Variants in OR51G2 observed in about 807,000 individuals in gnomAD.
OR51G2 encodes the protein olfactory receptor 51G2.
Under a neutral mutation model 11.8 loss-of-function variants are expected in OR51G2, and 13 were observed. The observed-to-expected ratio is 1.10, with a 90% CI of 0.72 to 1.76. The LOEUF (loss-of-function observed/expected upper bound fraction) is 1.76, where lower values mean the gene tolerates loss of function less well. OR51G2 is among the 40% of genes most tolerant of loss of function. The probability of loss-of-function intolerance (pLI) is 0.00; values close to 1 mark genes in which losing one functional copy is unlikely to be tolerated. For missense variants in OR51G2, 474 were observed against 394.4 expected (o/e 1.20, Z -1.71); for synonymous variants, 178 against 151.9 (o/e 1.17, Z -1.26).
Position 4,915,579 on chromosome 11 carries a change from G to T in OR51G2, c.85C>A (p.His29Asn). Residue 29 changes from histidine (H) to asparagine (N), a missense_variant, in exon 2 of 2, where the codon CAC becomes AAC. Transcript: ENST00000641926. Reference protein sequence around the residue: ...LSGIPGLERMHIWISIPLCFM... With the variant: ...LSGIPGLERMNIWISIPLCFM... ...CACAGTGGGATGGAGATCCAGATGTGCATGCGCTCCAGCCCAGGGATGCCA... is the reference window on the plus strand; with the variant it reads ...CACAGTGGGATGGAGATCCAGATGTTCATGCGCTCCAGCCCAGGGATGCCA... 1.9e-6 allele frequency: 3 copies of T among 1,614,102 alleles called. No homozygotes were observed. The highest frequency in any genetic ancestry group is 2.5e-6 in the Non-Finnish European group (3 of 1,180,002).
In OR51G2 at chr11:4,914,027, A is replaced by G. The variant is rs1851033641; in HGVS notation, c.*692T>C. 6.6e-6 allele frequency: 1 copy of G among 152,244 alleles called. No homozygotes were observed. The highest frequency in any genetic ancestry group is 2.1e-4 in the South Asian group (1 of 4,834). The allele number at this position is 152,244 out of a possible 1,614,324, so 9.4% of individuals were successfully genotyped here. ...CTTCCCAAAATTTAGTGTCTTAAAA[A>G]TATTTATTTTGTTTACAAAACTGAA... On this transcript the variant is annotated 3_prime_UTR_variant, in exon 2 of 2. Transcript: ENST00000641926.
At position 4,913,373 on chromosome 11, in the gene OR51G2, C is replaced by T. The variant is rs1201524317; in HGVS notation, c.*1346G>A. Reference sequence around the variant, plus strand: ...CATAGTAGAAGACATTGTGTTCAGCCACACCCTTTCTTAATCTGCACTAAA... The same window carrying T: ...CATAGTAGAAGACATTGTGTTCAGCTACACCCTTTCTTAATCTGCACTAAA... On this transcript the variant is annotated 3_prime_UTR_variant, in exon 2 of 2. Transcript: ENST00000641926. 1 of 152,142 alleles carries T rather than the reference C, an allele frequency of 6.6e-6. No individual in the cohort carries two copies. Among genetic ancestry groups the T allele is most frequent in the Non-Finnish European group, 1.5e-5 (1 of 68,050 alleles). The allele number at this position is 152,142 out of a possible 1,614,324, so 9.4% of individuals were successfully genotyped here. A position where few individuals can be genotyped will look rare whatever the true frequency, so the allele number is the denominator to read the frequency against.
chr11:4,914,696 A>T lies in OR51G2; in HGVS notation c.*23T>A, dbSNP rs749158881. The T allele has an allele frequency of 1.3e-6, 2 of 1,542,268 alleles. No individual in the cohort carries two copies. Among genetic ancestry groups the T allele is most frequent in the South Asian group, 2.3e-5 (2 of 87,742 alleles). ...CAAACAAGGGCACGTTTCAGGAGAC[A>T]GTGGCTCTAACACTAGACACAGTTA... On this transcript the variant is annotated 3_prime_UTR_variant, in exon 2 of 2. Coordinates refer to ENST00000641926, the MANE Select transcript of OR51G2 (RefSeq NM_001005238.2).
At position 4,914,353 on chromosome 11, in the gene OR51G2, G is replaced by C. The variant is rs1414883950; in HGVS notation, c.*366C>G. 1 of 174,258 alleles carries C rather than the reference G, an allele frequency of 5.7e-6. No homozygotes were observed. The highest frequency in any genetic ancestry group is 1.6e-4 in the East Asian group (1 of 6,282). The allele number at this position is 174,258 out of a possible 1,614,324, so 10.8% of individuals were successfully genotyped here. ...TGGAGGTGGAAGAGAGAGAGAGAGA[G>C]AAGATACATGGGCTATTTCCACAAT... On this transcript the variant is annotated 3_prime_UTR_variant, in exon 2 of 2. Transcript: ENST00000641926.
Position 4,913,142 on chromosome 11 carries a change from G to T in OR51G2, c.*1577C>A, listed in dbSNP as rs1048368915. ...TCAAATGGTCATTCTCAACTTTGTGGCTAAATAAGCTCTTTTAAACTGGGT... is the reference window on the plus strand; with the variant it reads ...TCAAATGGTCATTCTCAACTTTGTGTCTAAATAAGCTCTTTTAAACTGGGT... On this transcript the variant is annotated 3_prime_UTR_variant, in exon 2 of 2. Coordinates refer to ENST00000641926, the MANE Select transcript of OR51G2 (RefSeq NM_001005238.2). The T allele has an allele frequency of 6.6e-6, 1 of 152,100 alleles. No individual in the cohort carries two copies. The highest frequency in any genetic ancestry group is 1.5e-5 in the Non-Finnish European group (1 of 68,020). The allele number at this position is 152,100 out of a possible 1,614,324, so 9.4% of individuals were successfully genotyped here. A position where few individuals can be genotyped will look rare whatever the true frequency, so the allele number is the denominator to read the frequency against.
In OR51G2 at chr11:4,914,548, C is replaced by A. The variant is rs920813052; in HGVS notation, c.*171G>T. The A allele has an allele frequency of 5.4e-6, 3 of 554,506 alleles. No homozygotes were observed. The highest frequency in any genetic ancestry group is 2.9e-5 in the South Asian group (1 of 34,682). 34.3% of individuals were successfully genotyped at this position (554,506 alleles called of 1,614,324 possible). ...TACCACATCATATTACATTTTACCC[C>A]CCCCTGCCCTGGCCACAACAGAGTG... is the stretch of plus-strand genomic sequence containing the variant. On this transcript the variant is annotated 3_prime_UTR_variant, in exon 2 of 2. Transcript: ENST00000641926.
chr11:4,918,608 G>A (rs564791912), intron 1 of OR51G2, among the ~76,000 whole-genome samples: 7 of 152,066 alleles, frequency 4.6e-5, no homozygotes, highest in Non-Finnish European at 8.8e-5. Context: ...TAAAATCCTC[G>A]CAGAACCCAT....
rs78130833 is a variant in OR51G2 at position 4,914,867 on chromosome 11, A to T, written c.797T>A (p.Ile266Asn). Residue 266 changes from isoleucine to asparagine, a missense_variant, in exon 2 of 2, where the codon ATC becomes AAC. Coordinates refer to ENST00000641926, the MANE Select transcript of OR51G2 (RefSeq NM_001005238.2). ...FYTPMIGLSV[I>N]HRFGKQAPHL... is the part of the protein sequence containing the mutation. ...GGGTGCCTGCTTTCCAAAGCGATGG[A>T]TGACAGAGAGGCCAATCATGGGAGT... is the stretch of plus-strand genomic sequence containing the variant. The T allele has an allele frequency of 5.0e-4, 800 of 1,614,134 alleles. 6 individuals are homozygous for T. In the East Asian group the frequency reaches 0.016, roughly 33 times the overall value.
rs140331897 is a variant in OR51G2, at chr11:4,916,054, C to G, written c.-76-315G>C. On this transcript the variant is annotated intron_variant, in intron 1 of 1. Transcript: ENST00000641926. The stretch of plus-strand genomic sequence containing the variant: ...CACCCAGGGGCCAGGTGCAGTGGCT[C>G]ACGCCTGTAATCTCAGCACTTTGGG... 2.0e-5 allele frequency among the ~76,000 whole-genome samples: 3 copies of G among 152,194 alleles called. No individual in the cohort carries two copies. The East Asian group carries it at 5.8e-4, about 29-fold the overall frequency.
In OR51G2 at chr11:4,914,214, TA is replaced by T. The variant is rs1200972897; in HGVS notation, c.*504del. On this transcript the variant is annotated 3_prime_UTR_variant, in exon 2 of 2. Transcript: ENST00000641926. ...AGCTGAGTGAGACCTTGGCTGAGCC[TA>T]CTGGATGGAACACCTACATGGGCCT... is the stretch of plus-strand genomic sequence containing the variant. The T allele has an allele frequency of 6.4e-6, 1 of 155,732 alleles. No homozygotes were observed. Among genetic ancestry groups the T allele is most frequent in the Non-Finnish European group, 1.4e-5 (1 of 70,454 alleles). The allele number at this position is 155,732 out of a possible 1,614,324, so 9.6% of individuals were successfully genotyped here. A position where few individuals can be genotyped will look rare whatever the true frequency, so the allele number is the denominator to read the frequency against.
In OR51G2 at chr11:4,914,758, T is replaced by C; in HGVS notation, c.906A>G (p.Lys302=). The C allele has an allele frequency of 6.2e-7, 1 of 1,613,620 alleles. No individual in the cohort carries two copies. The highest frequency in any genetic ancestry group is 1.1e-5 in the South Asian group (1 of 91,048). The part of the protein sequence containing the change: ...MNPIVYSVKT[K]QIRDRVTHAF... ...CATGCGTCACTCGATCCCGGATCTGTTTGGTCTTCACACTGTAGACAATGG... is the reference window on the plus strand; with the variant it reads ...CATGCGTCACTCGATCCCGGATCTGCTTGGTCTTCACACTGTAGACAATGG... The change falls in exon 2 of 2, where the codon AAA becomes AAG. Residue 302 remains lysine (K), a synonymous_variant. Coordinates refer to ENST00000641926, the MANE Select transcript of OR51G2 (RefSeq NM_001005238.2).
rs752167499 is a variant in OR51G2 at position 4,915,149 on chromosome 11, G to A, written c.515C>T (p.Pro172Leu). 7 of 1,614,038 alleles carry A rather than the reference G, an allele frequency of 4.3e-6. No individual in the cohort carries two copies. Among genetic ancestry groups the A allele is most frequent in the South Asian group, 1.1e-5 (1 of 91,070 alleles). ...TGAGAGAACTGGGGAGCCACAATAG[G>A]GGAATCTTTTGAGCATAAAAGGTAA... The part of the protein sequence containing the change: ...FPLPFMLKRF[P>L]YCGSPVLSHS... The change falls in exon 2 of 2, where the codon CCC (proline) becomes CTC (leucine). Residue 172 changes from proline (P) to leucine (L), a missense_variant. Physicochemically the swap from Pro to Leu is moderately conservative, Grantham distance 98 (BLOSUM62 -3). Transcript: ENST00000641926.
At position 4,912,753 on chromosome 11, in the gene OR51G2, T is replaced by C. The variant is rs769655032; in HGVS notation, c.*1966A>G. The C allele has an allele frequency of 4.6e-5, 7 of 152,188 alleles. No homozygotes were observed. The highest frequency in any genetic ancestry group is 8.8e-5 in the Non-Finnish European group (6 of 68,040). 9.4% of individuals were successfully genotyped at this position (152,188 alleles called of 1,614,324 possible). On this transcript the variant is annotated 3_prime_UTR_variant, in exon 2 of 2. Transcript: ENST00000641926. ...CAGCTGTAATCTTTGTTTCTCTTATTGTAATTTTCCTTTTCTTTAATTACA... is the reference window on the plus strand; with the variant it reads ...CAGCTGTAATCTTTGTTTCTCTTATCGTAATTTTCCTTTTCTTTAATTACA...
Position 4,915,678 on chromosome 11 carries a change from A to G in OR51G2, c.-15T>C. On this transcript the variant is annotated 5_prime_UTR_variant, in exon 2 of 2. Coordinates refer to ENST00000641926, the MANE Select transcript of OR51G2 (RefSeq NM_001005238.2). Reference sequence around the variant, plus strand: ...CCCAGGGTCATTGTGTGAGGAGACAAGGGGGAAGGTGGGTGCCCTCCAAAA... The same window carrying G: ...CCCAGGGTCATTGTGTGAGGAGACAGGGGGGAAGGTGGGTGCCCTCCAAAA... 2 of 1,592,754 alleles carry G rather than the reference A, an allele frequency of 1.3e-6. No individual in the cohort carries two copies. The highest frequency in any genetic ancestry group is 8.6e-7 in the Non-Finnish European group (1 of 1,166,192).
At chr11:4,917,000 A>G (rs183267017) in intron 1 of OR51G2, among the ~76,000 whole-genome samples, 25 of 152,288 alleles carry the variant, frequency 1.6e-4, no homozygotes, top group African/African-American at 5.5e-4. Flanking sequence ...TCATATGCCA[A>G]TTCAGGCCTC....
chr11:4,914,505 T>C lies in OR51G2; in HGVS notation c.*214A>G, dbSNP rs1489684913. On this transcript the variant is annotated 3_prime_UTR_variant, in exon 2 of 2. Coordinates refer to ENST00000641926, the MANE Select transcript of OR51G2 (RefSeq NM_001005238.2). ...GGGTTTAGAATTATTGCTGTGGCTA[T>C]TTTTAGAAAATAAAATTTACCACAT... The C allele has an allele frequency of 5.9e-6, 3 of 512,486 alleles. No individual in the cohort carries two copies. Among genetic ancestry groups the C allele is most frequent in the Non-Finnish European group, 1.0e-5 (3 of 289,142 alleles). The allele number at this position is 512,486 out of a possible 1,614,324, so 31.7% of individuals were successfully genotyped here. A position where few individuals can be genotyped will look rare whatever the true frequency, so the allele number is the denominator to read the frequency against.
chr11:4,915,319 G>C lies in OR51G2; in HGVS notation c.345C>G (p.Leu115=). 6.2e-7 allele frequency: 1 copy of C among 1,613,938 alleles called. No individual in the cohort carries two copies. Residue 115 remains leucine (L), a synonymous_variant, in exon 2 of 2, where the codon CTC becomes CTG. Transcript: ENST00000641926. Reference sequence around the variant, plus strand: ...CCATAGACAGTAGCACAGAGGACTCGAGGAAGGAGAAGCAGTGAATGAAAA... The same window carrying C: ...CCATAGACAGTAGCACAGAGGACTCCAGGAAGGAGAAGCAGTGAATGAAAA... ...QLFFIHCFSF[L]ESSVLLSMAF...
rs181304713 is a variant in OR51G2, at chr11:4,914,139, A to T, written c.*580T>A. On this transcript the variant is annotated 3_prime_UTR_variant, in exon 2 of 2. Coordinates refer to ENST00000641926, the MANE Select transcript of OR51G2 (RefSeq NM_001005238.2). ...GGTTGGGGAATGGAACTATCTGAGGATTCTCTACTCATTGGTGGTTAACAC... is the reference window on the plus strand; with the variant it reads ...GGTTGGGGAATGGAACTATCTGAGGTTTCTCTACTCATTGGTGGTTAACAC... The T allele has an allele frequency of 6.6e-6, 1 of 152,328 alleles. No homozygotes were observed. The highest frequency in any genetic ancestry group is 1.5e-5 in the Non-Finnish European group (1 of 68,090). The allele number at this position is 152,328 out of a possible 1,614,324, so 9.4% of individuals were successfully genotyped here.
chr11:4,914,889 G>A lies in OR51G2; in HGVS notation c.775C>T (p.Pro259Ser). Residue 259 changes from proline to serine, a missense_variant, in exon 2 of 2, where the codon CCC becomes TCC. Pro to Ser is a moderately conservative substitution (Grantham distance 74). Coordinates refer to ENST00000641926, the MANE Select transcript of OR51G2 (RefSeq NM_001005238.2). The part of the protein sequence containing the change: ...HICAVLLFYT[P>S]MIGLSVIHRF... ...TGGATGACAGAGAGGCCAATCATGG[G>A]AGTGTAGAAGAGCAGCACAGCACAG... 6.2e-7 allele frequency: 1 copy of A among 1,614,174 alleles called. No individual in the cohort carries two copies. Among genetic ancestry groups the A allele is most frequent in the Non-Finnish European group, 8.5e-7 (1 of 1,180,026 alleles).
Sources: gnomAD v4.1 joint callset for allele counts (sites outside exome capture counted in the v4.1 genomes callset) on GRCh38, gnomAD v4.1.1 for gene constraint, MANE v1.5 for transcripts, NCBI Gene and HGNC (gene_info 2026-07-23, HGNC 2026-07-21) for gene names.